Variants in SP110 observed in about 807,000 individuals in gnomAD.
The protein encoded by SP110 is SP110 nuclear body protein.
Under a neutral mutation model 92.7 loss-of-function variants are expected in SP110, and 62 were observed. That is an observed-to-expected ratio of 0.67 (90% confidence interval 0.55 to 0.83). The LOEUF (loss-of-function observed/expected upper bound fraction) is 0.83. Among genes scored for constraint, SP110 ranks in the 40% least tolerant of loss-of-function variants. The probability of loss-of-function intolerance (pLI) is 0.00; values close to 1 mark genes in which losing one functional copy is unlikely to be tolerated. For synonymous variants in SP110, 273 were observed against 305.3 expected (o/e 0.89, Z 1.10); for missense variants, 793 against 863.9 (o/e 0.92, Z 1.03).
In SP110 at chr2:230,177,609, T is replaced by C. The variant is rs200286861; in HGVS notation, c.1519A>G (p.Lys507Glu). The C allele has an allele frequency of 1.2e-6, 2 of 1,614,120 alleles. No homozygotes were observed. The highest frequency in any genetic ancestry group is 2.7e-5 in the African/African-American group (2 of 75,054). ...LTPNEFEVEGKGRNAKNWKRN... is the reference protein window; with the variant it reads ...LTPNEFEVEGEGRNAKNWKRN... ...TTCCAGTTCTTTGCGTTCCTTCCTT[T>C]TCCTTCGACTTCAAATTCATTTGGT... The change falls in exon 14 of 19, where the codon AAA (lysine) becomes GAA (glutamate). Residue 507 changes from lysine (K) to glutamate (E), a missense_variant. Coordinates refer to ENST00000258381, the MANE Select transcript of SP110 (RefSeq NM_080424.4).
Position 230,216,903 on chromosome 2 carries a change from C to G in SP110, c.25G>C (p.Glu9Gln). The change falls in exon 2 of 19, where the codon GAA (glutamate) becomes CAA (glutamine). Residue 9 changes from glutamate to glutamine, a missense_variant. Glu to Gln is a conservative substitution (Grantham distance 29). Transcript: ENST00000258381. MFTMTRAM[E>Q]EALFQHFMHQ... ...ATGAAGTGCTGAAAAAGAGCCTCTT[C>G]CATGGCTCTTGTCATGGTGAACATC... is the stretch of plus-strand genomic sequence containing the variant. The G allele has an allele frequency of 6.2e-7, 1 of 1,613,870 alleles. No individual in the cohort carries two copies. The highest frequency in any genetic ancestry group is 8.5e-7 in the Non-Finnish European group (1 of 1,179,928).
chr2:230,216,526 T>C (rs1209569782), intron 2 of SP110, among the ~76,000 whole-genome samples: 1 of 152,188 alleles, frequency 6.6e-6, no homozygotes, highest in Non-Finnish European at 1.5e-5. Context: ...CCTCCACACC[T>C]GAGAGAATAT....
chr2:230,194,244 C>A (rs1279787950), intron 10 of SP110, among the ~76,000 whole-genome samples: 1 of 152,018 alleles, frequency 6.6e-6, no homozygotes, highest in Non-Finnish European at 1.5e-5. Flanking sequence ...GGTACAGAAT[C>A]CAAGAGAATC....
At chr2:230,176,466 G>A in intron 14 of SP110, 1 of 1,450,518 alleles carries the variant, frequency 6.9e-7, no homozygotes, top group Non-Finnish European at 9.0e-7. Context: ...AAAACACATG[G>A]ACATGATGAG....
At chr2:230,175,079 AT>A (rs1335470845) in intron 14 of SP110, among the ~76,000 whole-genome samples, 1 of 152,178 alleles carries the variant, frequency 6.6e-6, no homozygotes, top group Non-Finnish European at 1.5e-5. Flanking sequence ...ACAAATGGTC[AT>A]TATAGTAATT....
At chr2:230,198,064 A>C (rs1370801537) in intron 10 of SP110, among the ~76,000 whole-genome samples, 1 of 152,216 alleles carries the variant, frequency 6.6e-6, no homozygotes, top group Non-Finnish European at 1.5e-5. Flanking sequence ...TTAACATTGA[A>C]AAGTGTATTT....
intron 2 of SP110, 50 bp from the exon 3 acceptor site, chr2:230,215,168 G>A (rs1177007977): frequency 4.2e-6 from 6 of 1,419,488 alleles, no homozygotes; most frequent in Admixed American, 3.4e-5. Context: ...AATTGAATGG[G>A]AAGTTATACA....
At chr2:230,210,331 G>A (rs753304749) in intron 6 of SP110, among the ~76,000 whole-genome samples, 49 of 152,216 alleles carry the variant, frequency 3.2e-4, no homozygotes, top group Non-Finnish European at 6.6e-4. Flanking sequence ...AAACTGTGCT[G>A]GGTATCATGA....
intron 15 of SP110, 168 bp from the exon 16 acceptor site, chr2:230,172,342 C>G (rs533148366): frequency 2.8e-5 from 19 of 676,952 alleles, no homozygotes; most frequent in Admixed American, 2.6e-4. Flanking sequence ...TGGCCCTTCC[C>G]TCGCATCAGT....
chr2:230,212,228 C>T, intron 5 of SP110, 119 bp downstream of exon 5: 1 of 767,182 alleles, frequency 1.3e-6, no homozygotes, highest in Non-Finnish European at 2.3e-6. Flanking sequence ...TGTTTCTTTT[C>T]CTTTGTATTG....
intron 10 of SP110, among the ~76,000 whole-genome samples, chr2:230,186,427 C>G (rs1407600251): frequency 6.6e-6 from 1 of 152,140 alleles, no homozygotes; most frequent in South Asian, 2.1e-4. Flanking sequence ...AGATACCTGG[C>G]CCACACCTTA....
rs1228083026 is a variant in SP110, at chr2:230,212,858, G to A, written c.486C>T (p.Ser162=). The part of the protein sequence containing the change: ...CAPRVSEPGT[S]SQQSDEILSE... ...TCAGGATCTCATCGCTTTGCTGGGAGGATGTTCCAGGCTCACTGACTCTTG... is the reference window on the plus strand; with the variant it reads ...TCAGGATCTCATCGCTTTGCTGGGAAGATGTTCCAGGCTCACTGACTCTTG... The change falls in exon 4 of 19, where the codon TCC becomes TCT. Residue 162 remains serine, a synonymous_variant. Transcript: ENST00000258381. The A allele has an allele frequency of 1.2e-6, 2 of 1,613,996 alleles. No individual in the cohort carries two copies. The highest frequency in any genetic ancestry group is 1.3e-5 in the African/African-American group (1 of 74,892).
At chr2:230,177,154 C>T (rs1023033706) in intron 14 of SP110, among the ~76,000 whole-genome samples, 8 of 152,146 alleles carry the variant, frequency 5.3e-5, no homozygotes, top group East Asian at 1.9e-4. Context: ...AGACAGACCA[C>T]GGACTGGGCA....
intron 10 of SP110, chr2:230,200,564 A>G (rs1360215078): frequency 2.1e-5 from 8 of 385,108 alleles, no homozygotes; most frequent in South Asian, 2.0e-4. Context: ...GTATAGTACC[A>G]TGAATATACT....
intron 1 of SP110, among the ~76,000 whole-genome samples, chr2:230,225,190 C>T (rs1001017963): frequency 1.3e-5 from 2 of 152,122 alleles, no homozygotes; most frequent in East Asian, 1.9e-4. Context: ...TGTAAAGTGC[C>T]CACATATTTG....
chr2:230,202,636 C>A lies in SP110; in HGVS notation c.991G>T (p.Val331Leu). 3.7e-6 allele frequency: 6 copies of A among 1,613,918 alleles called. No homozygotes were observed. The highest frequency in any genetic ancestry group is 5.1e-6 in the Non-Finnish European group (6 of 1,179,770). ...CTCGCCTTTTGGGCCCTTGTCTCTA[C>A]CGTGGAGTTACAAGTTGAGTCATCT... Reference protein sequence around the residue: ...KKDDSTCNSTVETRAQKARTE... With the variant: ...KKDDSTCNSTLETRAQKARTE... The change falls in exon 9 of 19, where the codon GTA becomes TTA. Residue 331 changes from valine (V) to leucine (L), a missense_variant. Transcript: ENST00000258381.
At chr2:230,172,350 A>G in intron 15 of SP110, 176 bp from the exon 16 acceptor site, 1 of 661,660 alleles carries the variant, frequency 1.5e-6, no homozygotes, top group Admixed American at 2.2e-5. Flanking sequence ...CCCTCGCATC[A>G]GTGGTAGCGG....
In SP110 at chr2:230,200,964, C is replaced by T; in HGVS notation, c.1050G>A (p.Glu350=). ...TECARKSRSE[E]IIDGTSEMNE... ...TCATTTCTGAAGTGCCATCAATGAT[C>T]TCTGGAAAATGAAAGATCTTAGTAA... Residue 350 remains glutamate, a splice_region_variant and synonymous_variant, in exon 10 of 19, where the codon GAG becomes GAA. Coordinates refer to ENST00000258381, the MANE Select transcript of SP110 (RefSeq NM_080424.4). The T allele has an allele frequency of 3.7e-6, 6 of 1,612,352 alleles. No individual in the cohort carries two copies. Among genetic ancestry groups the T allele is most frequent in the Non-Finnish European group, 5.1e-6 (6 of 1,178,362 alleles).
At position 230,171,718 on chromosome 2, in the gene SP110, A is replaced by C. The variant is rs369705592; in HGVS notation, c.1865T>G (p.Phe622Cys). 3.3e-5 allele frequency: 53 copies of C among 1,613,696 alleles called. No homozygotes were observed. The African/African-American group carries it at 5.6e-4, about 17-fold the overall frequency. Residue 622 changes from phenylalanine (F) to cysteine (C), a missense_variant, in exon 17 of 19, where the codon TTT becomes TGT. By Grantham distance (205) the Phe-to-Cys change is radical. Coordinates refer to ENST00000258381, the MANE Select transcript of SP110 (RefSeq NM_080424.4). ...TACATTAAATGGGATGCCCGTAAAAAAGGAGCTTTGTGGATGACAGTAGGC... is the reference window on the plus strand; with the variant it reads ...TACATTAAATGGGATGCCCGTAAAACAGGAGCTTTGTGGATGACAGTAGGC... ...LKAYCHPQSSFFTGIPFNIRD... is the reference protein window; with the variant it reads ...LKAYCHPQSSCFTGIPFNIRD...
Sources: allele counts gnomAD v4.1 joint callset (sites outside exome capture counted in the v4.1 genomes callset), GRCh38; gene constraint gnomAD v4.1.1; transcripts MANE v1.5; gene names NCBI Gene and HGNC (gene_info 2026-07-23, HGNC 2026-07-21).